Variants in SCML2 observed in about 807,000 individuals in gnomAD.
The protein encoded by SCML2 is Scm polycomb group protein like 2.
SCML2 carries 6 observed loss-of-function variants against 48.4 expected under a neutral mutation model. That is an observed-to-expected ratio of 0.12 (90% CI 0.07 to 0.24). SCML2 has a LOEUF of 0.24. Among genes scored for constraint, SCML2 ranks in the 10% least tolerant of loss-of-function variants. SCML2 has a pLI of 1.00. For synonymous variants in SCML2, 181 were observed against 189.5 expected (o/e 0.95, Z 0.37); for missense variants, 377 against 528.2 (o/e 0.71, Z 2.81).
intron 14 of SCML2, among the ~76,000 whole-genome samples, chrX:18,241,960 T>C (rs1183324901): frequency 2.7e-5 from 3 of 112,298 alleles, no homozygotes; most frequent in African/African-American, 9.7e-5. Context: ...CCTAAAATTC[T>C]TTATTACCTT....
chrX:18,293,650 T>C (rs910370595), intron 7 of SCML2, among the ~76,000 whole-genome samples: 1 of 112,435 alleles, frequency 8.9e-6, no homozygotes, highest in Non-Finnish European at 1.9e-5. Context: ...TATTTGTATA[T>C]GTGTGGTTTT....
chrX:18,317,823 G>C (rs1315401351), intron 6 of SCML2, among the ~76,000 whole-genome samples: 2 of 81,305 alleles, frequency 2.5e-5, no homozygotes, highest in Non-Finnish European at 4.4e-5. Context: ...GACAGAGCGA[G>C]ACTCCGTCTC....
intron 7 of SCML2, among the ~76,000 whole-genome samples, chrX:18,293,062 C>A (rs985257789): frequency 1.8e-5 from 2 of 111,382 alleles, no homozygotes; most frequent in African/African-American, 6.5e-5. Context: ...ACACTGCTTG[C>A]GATAGTTGTA....
chrX:18,305,648 T>C (rs1352716219), intron 6 of SCML2, among the ~76,000 whole-genome samples: 2 of 109,937 alleles, frequency 1.8e-5, no homozygotes, highest in Non-Finnish European at 1.9e-5. Flanking sequence ...CTAACAAATA[T>C]GTAAATTGGT....
chrX:18,311,754 G>T (rs1470986005), intron 6 of SCML2, among the ~76,000 whole-genome samples: 2 of 111,241 alleles, frequency 1.8e-5, no homozygotes, highest in Non-Finnish European at 3.8e-5. Flanking sequence ...TTTGAACAGA[G>T]GAGTGATATA....
At chrX:18,270,188 T>C (rs113618736) in intron 7 of SCML2, among the ~76,000 whole-genome samples, 29,821 of 108,408 alleles carry the variant, frequency 0.28, 3,611 homozygotes, top group African/African-American at 0.45. Context: ...CCACCATGCC[T>C]GGATAATTTT....
At chrX:18,332,423 A>G (rs1929686254) in intron 2 of SCML2, among the ~76,000 whole-genome samples, 1 of 112,385 alleles carries the variant, frequency 8.9e-6, no homozygotes, top group Admixed American at 9.5e-5. Flanking sequence ...TCTAAGAATG[A>G]TGCCATTCAA....
chrX:18,281,466 C>A (rs774839016), intron 7 of SCML2, among the ~76,000 whole-genome samples: 1 of 112,015 alleles, frequency 8.9e-6, no homozygotes, highest in Non-Finnish European at 1.9e-5. Flanking sequence ...AGTCCCAGCA[C>A]TTTGCGAGGC....
At chrX:18,329,112 A>T (rs929215171) in intron 3 of SCML2, among the ~76,000 whole-genome samples, 4 of 111,701 alleles carry the variant, frequency 3.6e-5, no homozygotes, top group Non-Finnish European at 7.5e-5. Flanking sequence ...CTCTGTGAAC[A>T]TACTGAAAAC....
chrX:18,320,241 G>T, intron 6 of SCML2, 91 bp downstream of exon 6: 1 of 521,609 alleles, frequency 1.9e-6, no homozygotes, highest in Non-Finnish European at 3.0e-6. Context: ...TTAAAAGTAT[G>T]TTTGCTTTTC....
intron 2 of SCML2, among the ~76,000 whole-genome samples, chrX:18,333,008 G>T (rs1374114696): frequency 9.0e-6 from 1 of 110,682 alleles, no homozygotes; most frequent in Non-Finnish European, 1.9e-5. Flanking sequence ...AGGCACGTTG[G>T]TTCATGCCTG....
chrX:18,346,209 T>C (rs771385909), intron 1 of SCML2, among the ~76,000 whole-genome samples: 5 of 110,774 alleles, frequency 4.5e-5, no homozygotes, highest in Non-Finnish European at 9.5e-5. Flanking sequence ...CCACCTCCAA[T>C]ATCTCTCTCT....
intron 6 of SCML2, among the ~76,000 whole-genome samples, chrX:18,317,091 T>A (rs931942277): frequency 1.8e-5 from 2 of 111,958 alleles, no homozygotes; most frequent in Non-Finnish European, 3.8e-5. Flanking sequence ...TTATAATTTT[T>A]AAAATTTTTT....
At chrX:18,290,518 A>G (rs1292298874) in intron 7 of SCML2, among the ~76,000 whole-genome samples, 4 of 111,301 alleles carry the variant, frequency 3.6e-5, no homozygotes, top group African/African-American at 1.3e-4. Flanking sequence ...ACAAGATGAC[A>G]CTTCAGACCA....
intron 13 of SCML2, among the ~76,000 whole-genome samples, chrX:18,244,855 G>A (rs1443530173): frequency 1.8e-5 from 2 of 111,560 alleles, no homozygotes; most frequent in Admixed American, 1.9e-4. Context: ...ATCACTGGCT[G>A]TCAGGAGTGG....
chrX:18,349,991 G>A (rs1244138162), intron 1 of SCML2, among the ~76,000 whole-genome samples: 2 of 112,316 alleles, frequency 1.8e-5, no homozygotes, highest in African/African-American at 3.2e-5. Flanking sequence ...GGCAGGGCGA[G>A]GTGGCTCACG....
chrX:18,347,277 TCTACCAAAAATACAAAAATTA>T (rs1930227581), intron 1 of SCML2, among the ~76,000 whole-genome samples: 2 of 108,593 alleles, frequency 1.8e-5, no homozygotes, highest in African/African-American at 3.4e-5. Flanking sequence ...AAACCCCGTC[TCTACCAAAAATACAAAAATTA>T]GCCGGGTGTG....
Position 18,320,344 on chromosome X carries a change from T to C in SCML2, c.474A>G (p.Thr158=). ...ACATCTTTCTTACCTTCTTAAATAA[T>C]GTGGCAGATGCCATTTCAGACCCAT... ...TLNGSEMASA[T]LFKKEPPKPP... is the part of the protein sequence containing the mutation. Residue 158 remains threonine (T), a synonymous_variant, in exon 6 of 15, where the codon ACA becomes ACG. Coordinates refer to ENST00000251900, the MANE Select transcript of SCML2 (RefSeq NM_006089.3). The C allele has an allele frequency of 1.8e-6, 2 of 1,136,014 alleles. No homozygotes were observed. Among genetic ancestry groups the C allele is most frequent in the Non-Finnish European group, 2.4e-6 (2 of 841,832 alleles). 93.6% of individuals were successfully genotyped at this position (1,136,014 alleles called of 1,213,427 possible). A position where few individuals can be genotyped will look rare whatever the true frequency, so the allele number is the denominator to read the frequency against.
At chrX:18,245,141 T>C (rs1269331393) in intron 13 of SCML2, among the ~76,000 whole-genome samples, 2 of 111,815 alleles carry the variant, frequency 1.8e-5, no homozygotes, top group Non-Finnish European at 3.8e-5. Flanking sequence ...TAGGAGGCCA[T>C]ATGAAATATT....
Sources: gnomAD v4.1 joint callset for allele counts (sites outside exome capture counted in the v4.1 genomes callset) on GRCh38, gnomAD v4.1.1 for gene constraint, MANE v1.5 for transcripts, NCBI Gene and HGNC (gene_info 2026-07-23, HGNC 2026-07-21) for gene names.